The following ZNF28 variants were observed in gnomAD, a reference collection of about 807,000 sequenced individuals.
ZNF28 encodes the protein zinc finger protein KOX24.
In ZNF28, 5 loss-of-function variants were observed where a neutral mutation model predicts 7.2. That is an observed-to-expected ratio of 0.70 (90% CI 0.36 to 1.46). ZNF28 has a LOEUF of 1.46. Among genes scored for constraint, ZNF28 ranks in the 40% most tolerant of loss-of-function variants. The pLI, the probability that ZNF28 is intolerant of heterozygous loss-of-function variation, is 0.03. For synonymous variants in ZNF28, 288 were observed against 292.4 expected, an observed-to-expected ratio of 0.99 and a Z score of 0.15; for missense variants, 879 against 866.6, an observed-to-expected ratio of 1.01 and a Z score of -0.18.
At chr19:52,815,091 A>G (rs1470023965) in intron 2 of ZNF28, among the ~76,000 whole-genome samples, 1 of 88,176 alleles carries the variant, frequency 1.1e-5, no homozygotes, top group African/African-American at 3.9e-5. Flanking sequence ...ATGTGTGTGT[A>G]TATATATATT....
At chr19:52,810,095 C>G in intron 2 of ZNF28, 2 of 784,166 alleles carry the variant, frequency 2.6e-6, no homozygotes, top group Non-Finnish European at 2.3e-6. Flanking sequence ...CAGGAGCCAC[C>G]GGCAGCCAAG....
chr19:52,818,046 T>A lies in ZNF28; in HGVS notation c.-73-15A>T. ...AGAAGTCAATCCTGAATGTTAAAAA[T>A]ATGTTGTTTATTGCTCAGAATCAAC... On this transcript the variant is annotated splice_polypyrimidine_tract_variant and intron_variant, in intron 1 of 3. Coordinates refer to ENST00000457749, the MANE Select transcript of ZNF28 (RefSeq NM_006969.5). 1 of 1,590,074 alleles carries A rather than the reference T, an allele frequency of 6.3e-7. No individual in the cohort carries two copies.
At chr19:52,809,546 G>T (rs538115623) in intron 2 of ZNF28, among the ~76,000 whole-genome samples, 5 of 152,272 alleles carry the variant, frequency 3.3e-5, no homozygotes, top group African/African-American at 1.2e-4. Context: ...GGTGGCTCAC[G>T]CCTGTAATCC....
chr19:52,817,535 C>T (rs965080803), intron 2 of ZNF28, among the ~76,000 whole-genome samples: 2 of 152,026 alleles, frequency 1.3e-5, no homozygotes, highest in Non-Finnish European at 2.9e-5. Context: ...CCTTATTGGT[C>T]TCCTTTTCTA....
chr19:52,814,138 A>G lies in ZNF28; in HGVS notation c.15+3806T>C, dbSNP rs2063091926. 5.4e-5 allele frequency: 8 copies of G among 146,898 alleles called. 3 individuals are homozygous for G. The Admixed American group carries it at 5.5e-4, about 10-fold the overall frequency. The allele number at this position is 146,898 out of a possible 1,614,324, so 9.1% of individuals were successfully genotyped here. Reference sequence around the variant, plus strand: ...CTCTGACACCTGGCACAGAACTGACAGTAACGGCTCCCCAGGGAGGCTGGA... The same window carrying G: ...CTCTGACACCTGGCACAGAACTGACGGTAACGGCTCCCCAGGGAGGCTGGA... On this transcript the variant is annotated intron_variant, in intron 2 of 3. Transcript: ENST00000457749.
chr19:52,809,828 C>A (rs2062991581), intron 2 of ZNF28: 1 of 551,048 alleles, frequency 1.8e-6, no homozygotes, highest in Non-Finnish European at 3.2e-6. Context: ...GCGAAGGCGG[C>A]GGCGGCGGCG....
intron 2 of ZNF28, chr19:52,809,732 G>C (rs561898040): frequency 4.8e-6 from 2 of 412,424 alleles, no homozygotes; most frequent in East Asian, 8.0e-5. Context: ...TTTAACCCAG[G>C]AGGAGGGGGT....
chr19:52,814,307 G>C (rs2063094634), intron 2 of ZNF28: 1 of 146,526 alleles, frequency 6.8e-6, no homozygotes, highest in Non-Finnish European at 1.5e-5. Context: ...AACAATTGGT[G>C]GGGCTGGGCA....
At chr19:52,820,090 T>C (rs2063175228) in intron 1 of ZNF28, among the ~76,000 whole-genome samples, 1 of 142,078 alleles carries the variant, frequency 7.0e-6, no homozygotes, top group Non-Finnish European at 1.5e-5. Context: ...GGCTCCATCC[T>C]TGCAACTTAT....
Position 52,799,268 on chromosome 19 carries a change from G to A in ZNF28, c.*420C>T, listed in dbSNP as rs1388477133. 2 of 400,216 alleles carry A rather than the reference G, an allele frequency of 5.0e-6. No homozygotes were observed. The highest frequency in any genetic ancestry group is 9.5e-6 in the Non-Finnish European group (2 of 209,574). The allele number at this position is 400,216 out of a possible 1,614,324, so 24.8% of individuals were successfully genotyped here. The stretch of plus-strand genomic sequence containing the variant: ...AGGTGTTGCCACACTCATCACATTT[G>A]TAAGGTTTCTCTCCAGTTTGAATTC... On this transcript the variant is annotated 3_prime_UTR_variant, in exon 4 of 4. Transcript: ENST00000457749.
At chr19:52,820,966 C>T (rs1054184625) in intron 1 of ZNF28, among the ~76,000 whole-genome samples, 3 of 152,048 alleles carry the variant, frequency 2.0e-5, no homozygotes, top group Admixed American at 2.0e-4. Context: ...AGTAAGACAC[C>T]TGCATCTCGG....
chr19:52,808,247 C>A lies in ZNF28; in HGVS notation c.16-114G>T, dbSNP rs988196734. ...AGTTGTAGTGAATGTTCTCACAAATCCGAGTGACGGATTTTTCACCACATG... is the reference window on the plus strand; with the variant it reads ...AGTTGTAGTGAATGTTCTCACAAATACGAGTGACGGATTTTTCACCACATG... On this transcript the variant is annotated intron_variant, in intron 2 of 3. Coordinates refer to ENST00000457749, the MANE Select transcript of ZNF28 (RefSeq NM_006969.5). 10 of 1,522,474 alleles carry A rather than the reference C, an allele frequency of 6.6e-6. No individual in the cohort carries two copies. In the Admixed American group the frequency reaches 1.3e-4, roughly 20 times the overall value. 94.3% of individuals were successfully genotyped at this position (1,522,474 alleles called of 1,614,324 possible).
At chr19:52,802,905 C>T (rs1429684296) in intron 3 of ZNF28, among the ~76,000 whole-genome samples, 2 of 151,468 alleles carry the variant, frequency 1.3e-5, no homozygotes, top group East Asian at 2.0e-4. Flanking sequence ...GGACTACAGG[C>T]ACACACCGCC....
chr19:52,812,762 T>TAAAAAAA (rs56944474), intron 2 of ZNF28, among the ~76,000 whole-genome samples: 123 of 75,416 alleles, frequency 1.6e-3, no homozygotes, highest in African/African-American at 4.6e-3. Flanking sequence ...GAATGATCAA[T>TAAAAAAA]AAAAAAAAAA....
rs1364645590 is a variant in ZNF28, at chr19:52,800,015, A to G, written c.1830T>C (p.Asn610=). ...TCTGACGGAAGGTCTTGCCACACTC[A>G]TTACACTTGTAAGGTTTCTCTCCAG... is the stretch of plus-strand genomic sequence containing the variant. ...VHTGEKPYKC[N]ECGKTFRQTS... Residue 610 remains asparagine (N), a synonymous_variant, in exon 4 of 4, where the codon AAT becomes AAC. Coordinates refer to ENST00000457749, the MANE Select transcript of ZNF28 (RefSeq NM_006969.5). 11 of 1,614,136 alleles carry G rather than the reference A, an allele frequency of 6.8e-6. No homozygotes were observed. Among genetic ancestry groups the G allele is most frequent in the Non-Finnish European group, 9.3e-6 (11 of 1,180,000 alleles).
Position 52,798,841 on chromosome 19 carries a change from AT to A in ZNF28, c.*846del. 1 of 1,146,732 alleles carries A rather than the reference AT, an allele frequency of 8.7e-7. No homozygotes were observed. Among genetic ancestry groups the A allele is most frequent in the Non-Finnish European group, 1.2e-6 (1 of 802,376 alleles). The allele number at this position is 1,146,732 out of a possible 1,614,324, so 71.0% of individuals were successfully genotyped here. A position where few individuals can be genotyped will look rare whatever the true frequency, so the allele number is the denominator to read the frequency against. ...CATTACTGAAAACTTTGTGACAATC[AT>A]TATATTAGTCAAGTTTCCCTATACT... On this transcript the variant is annotated 3_prime_UTR_variant, in exon 4 of 4. Transcript: ENST00000457749.
chr19:52,806,500 T>C (rs1018292476), intron 3 of ZNF28, among the ~76,000 whole-genome samples: 4 of 152,056 alleles, frequency 2.6e-5, no homozygotes, highest in African/African-American at 9.7e-5. Flanking sequence ...GTCCAGGTTA[T>C]GGTAATTTTA....
rs2062841064 is a variant in ZNF28, at chr19:52,799,988, T to C, written c.1857A>G (p.Thr619=). The C allele has an allele frequency of 6.2e-7, 1 of 1,611,392 alleles. No homozygotes were observed. The highest frequency in any genetic ancestry group is 8.5e-7 in the Non-Finnish European group (1 of 1,179,196). The change falls in exon 4 of 4, where the codon ACA becomes ACG. Residue 619 remains threonine (T), a synonymous_variant. Coordinates refer to ENST00000457749, the MANE Select transcript of ZNF28 (RefSeq NM_006969.5). ...CNECGKTFRQ[T]SSLIIHRRLH... is the part of the protein sequence containing the mutation. ...GCCTACGATGGATTATAAGCGATGA[T>C]GTCTGACGGAAGGTCTTGCCACACT...
chr19:52,817,125 C>A (rs950388122), intron 2 of ZNF28, among the ~76,000 whole-genome samples: 1 of 152,142 alleles, frequency 6.6e-6, no homozygotes, highest in African/African-American at 2.4e-5. Context: ...GTAATCCCAG[C>A]ACTTTAGGAA....
Sources: allele counts gnomAD v4.1 joint callset (sites outside exome capture counted in the v4.1 genomes callset), GRCh38; gene constraint gnomAD v4.1.1; transcripts MANE v1.5; gene names NCBI Gene and HGNC (gene_info 2026-07-23, HGNC 2026-07-21).